Variants in SLC25A26 observed in about 807,000 individuals in gnomAD.
SLC25A26 encodes the protein solute carrier family 25 member 26, also known as mitochondrial S-adenosylmethionine carrier protein.
SLC25A26 carries 36 observed loss-of-function variants against 37.8 expected under a neutral mutation model. That is an observed-to-expected ratio of 0.95 (90% CI 0.73 to 1.26). The LOEUF is 1.26. Among genes scored for constraint, SLC25A26 ranks in the 50% most tolerant of loss-of-function variants. SLC25A26 has a pLI of 0.00. For synonymous variants in SLC25A26, 129 were observed against 122.5 expected, an observed-to-expected ratio of 1.05 and a Z score of -0.35; for missense variants, 390 against 331.1, an observed-to-expected ratio of 1.18 and a Z score of -1.38.
At chr3:66,267,911 A>G (rs1262670199) in intron 5 of SLC25A26, among the ~76,000 whole-genome samples, 2 of 152,168 alleles carry the variant, frequency 1.3e-5, no homozygotes, top group Non-Finnish European at 2.9e-5. Context: ...ACCTTCAGCG[A>G]TCAAGCGTCA....
intron 1 of SLC25A26, among the ~76,000 whole-genome samples, chr3:66,224,505 C>G (rs1016333151): frequency 1.3e-5 from 2 of 152,190 alleles, no homozygotes; most frequent in Non-Finnish European, 2.9e-5. Context: ...ATTCAGTTAC[C>G]TTCTACCAGG....
At chr3:66,165,941 C>A (rs568700478) in intron 1 of SLC25A26, among the ~76,000 whole-genome samples, 1 of 151,766 alleles carries the variant, frequency 6.6e-6, no homozygotes, top group East Asian at 1.9e-4. Flanking sequence ...CCCCACCACC[C>A]CCATCCCAAC....
intron 5 of SLC25A26, among the ~76,000 whole-genome samples, chr3:66,316,527 C>G (rs1403972824): frequency 2.0e-5 from 3 of 152,104 alleles, no homozygotes; most frequent in African/African-American, 7.2e-5. Context: ...AGCGGCCTTT[C>G]TCTCTGGCTG....
chr3:66,236,200 T>G (rs2072269896), intron 1 of SLC25A26, among the ~76,000 whole-genome samples: 1 of 118,700 alleles, frequency 8.4e-6, no homozygotes, highest in Non-Finnish European at 1.6e-5. Context: ...AGCCACCACA[T>G]CTGGACTTTT....
intron 9 of SLC25A26, among the ~76,000 whole-genome samples, chr3:66,374,507 A>G (rs1296866994): frequency 6.6e-6 from 1 of 152,182 alleles, no homozygotes; most frequent in Non-Finnish European, 1.5e-5. Flanking sequence ...GTGAGACACA[A>G]TATTGCAGTT....
chr3:66,158,225 A>G lies in SLC25A26; in HGVS notation c.-354+24241A>G, dbSNP rs145176972. Among the ~76,000 whole-genome samples, 788 of 152,332 alleles carry G rather than the reference A, an allele frequency of 5.2e-3. 8 individuals carry two copies. Among genetic ancestry groups the G allele is most frequent in the African/African-American group, 0.018 (737 of 41,570 alleles). On this transcript the variant is annotated intron_variant, in intron 1 of 10. Coordinates refer to the SLC25A26 transcript ENST00000676754. ...GTTTGATGCACAATATGTGGCCTTT[A>G]TGCCTGGCTTCTTTAACTTAGCATA...
At chr3:66,344,287 AC>A (rs1339440695) in intron 5 of SLC25A26, among the ~76,000 whole-genome samples, 5 of 152,098 alleles carry the variant, frequency 3.3e-5, no homozygotes, top group African/African-American at 4.8e-5. Context: ...ACATGGTGAA[AC>A]CCCGTCTCTA....
intron 1 of SLC25A26, among the ~76,000 whole-genome samples, chr3:66,189,298 C>T (rs1176517611): frequency 2.6e-5 from 4 of 151,996 alleles, no homozygotes; most frequent in African/African-American, 4.8e-5. Flanking sequence ...CTCACCCTAT[C>T]ACTAACCCCC....
At chr3:66,219,918 C>G (rs2071423850), upstream of SLC25A26, among the ~76,000 whole-genome samples, 1 of 152,096 alleles carries the variant, frequency 6.6e-6, no homozygotes, top group Non-Finnish European at 1.5e-5. Context: ...AAAACTTATC[C>G]CCAAACCCAG....
chr3:66,278,888 C>G (rs1258286137), intron 5 of SLC25A26, among the ~76,000 whole-genome samples: 20 of 152,154 alleles, frequency 1.3e-4, no homozygotes, highest in Non-Finnish European at 1.5e-5. Flanking sequence ...TCACTTCTTT[C>G]ATAGCTCTTC....
intron 1 of SLC25A26, among the ~76,000 whole-genome samples, chr3:66,160,499 T>G (rs1276508614): frequency 6.6e-6 from 1 of 152,240 alleles, no homozygotes; most frequent in Non-Finnish European, 1.5e-5. Flanking sequence ...GATGTGAATG[T>G]GTGAAGGGGA....
At chr3:66,297,212 C>T (rs2074930989) in intron 5 of SLC25A26, among the ~76,000 whole-genome samples, 1 of 151,548 alleles carries the variant, frequency 6.6e-6, no homozygotes, top group African/African-American at 2.4e-5. Context: ...CCTGTAATCC[C>T]AGCTATTCGG....
At chr3:66,211,859 C>T (rs2071288275) in intron 1 of SLC25A26, among the ~76,000 whole-genome samples, 1 of 152,114 alleles carries the variant, frequency 6.6e-6, no homozygotes, top group African/African-American at 2.4e-5. Flanking sequence ...GCGTACAGTT[C>T]AGTAGCATTA....
chr3:66,158,448 G>A (rs1297871000), intron 1 of SLC25A26, among the ~76,000 whole-genome samples: 1 of 152,104 alleles, frequency 6.6e-6, no homozygotes, highest in African/African-American at 2.4e-5. Flanking sequence ...GTTACGTTTT[G>A]AATTTTCTTG....
At chr3:66,219,975 G>C (rs372625829), upstream of SLC25A26, among the ~76,000 whole-genome samples, 1 of 152,140 alleles carries the variant, frequency 6.6e-6, no homozygotes, top group Non-Finnish European at 1.5e-5. Flanking sequence ...GCTATTCTGC[G>C]TATCATTTCT....
At chr3:66,273,023 A>C (rs1233578459) in intron 5 of SLC25A26, among the ~76,000 whole-genome samples, 3 of 152,138 alleles carry the variant, frequency 2.0e-5, no homozygotes, top group Non-Finnish European at 4.4e-5. Flanking sequence ...ATCTTGTCAA[A>C]GGCCTTTTCT....
chr3:66,283,586 T>C (rs1415124788), intron 5 of SLC25A26, among the ~76,000 whole-genome samples: 1 of 152,166 alleles, frequency 6.6e-6, no homozygotes, highest in Non-Finnish European at 1.5e-5. Flanking sequence ...CCAAACTCTT[T>C]TCTGTAGTGG....
intron 5 of SLC25A26, among the ~76,000 whole-genome samples, chr3:66,303,888 T>C (rs965404369): frequency 5.3e-5 from 8 of 152,314 alleles, no homozygotes; most frequent in South Asian, 2.1e-4. Context: ...CATTTCCTTG[T>C]GGCAGTATGA....
At chr3:66,196,737 C>G (rs1250970427) in intron 1 of SLC25A26, among the ~76,000 whole-genome samples, 1 of 148,810 alleles carries the variant, frequency 6.7e-6, no homozygotes, top group African/African-American at 2.6e-5. Flanking sequence ...ATTAGAAACT[C>G]TTTCTGTAAT....
Sources: gnomAD v4.1 joint callset for allele counts (sites outside exome capture counted in the v4.1 genomes callset) on GRCh38, gnomAD v4.1.1 for gene constraint, MANE v1.5 for transcripts, NCBI Gene and HGNC (gene_info 2026-07-23, HGNC 2026-07-21) for gene names.